The following TVP23C variants were observed in gnomAD, a reference collection of about 807,000 sequenced individuals.
TVP23C encodes trans-golgi network vesicle protein 23 homolog C.
In TVP23C, 19 loss-of-function variants were observed where a neutral mutation model predicts 28.7. The observed-to-expected ratio is 0.66, with a 90% CI of 0.46 to 0.97. The LOEUF (loss-of-function observed/expected upper bound fraction) is 0.97, where lower values mean the gene tolerates loss of function less well. TVP23C is among the 50% of genes least tolerant of loss of function. The pLI, the probability that TVP23C is intolerant of heterozygous loss-of-function variation, is 0.00. For missense variants in TVP23C, 186 were observed against 241.3 expected (o/e 0.77, Z 1.52); for synonymous variants, 68 against 81.7 (o/e 0.83, Z 0.90).
At chr17:15,523,902 C>A (rs1355435986) in intron 5 of TVP23C, among the ~76,000 whole-genome samples, 5 of 152,210 alleles carry the variant, frequency 3.3e-5, no homozygotes, top group African/African-American at 1.2e-4. Flanking sequence ...CGTGAGCCAC[C>A]GCGCCCAGCC....
exon 6 of TVP23C, chr17:15,502,960 C>G: frequency 6.2e-7 from 1 of 1,614,122 alleles, no homozygotes; most frequent in Non-Finnish European, 8.5e-7. Context: ...CCCAAAGCCG[C>G]AAGGAGAGAA....
intron 5 of TVP23C, among the ~76,000 whole-genome samples, chr17:15,541,767 T>A: frequency 6.6e-6 from 1 of 152,116 alleles, no homozygotes; most frequent in Non-Finnish European, 1.5e-5. Flanking sequence ...AGGGTGCTAG[T>A]TTCCTAAATA....
chr17:15,505,101 A>T (rs1368859705), intron 5 of TVP23C, among the ~76,000 whole-genome samples: 1 of 151,766 alleles, frequency 6.6e-6, no homozygotes, highest in Non-Finnish European at 1.5e-5. Flanking sequence ...GTGGTAATGA[A>T]GGCAGCCATG....
chr17:15,531,347 T>G (rs184792778), intron 5 of TVP23C, among the ~76,000 whole-genome samples: 2 of 152,342 alleles, frequency 1.3e-5, no homozygotes, highest in Admixed American at 1.3e-4. Flanking sequence ...TGTATTTCAT[T>G]GAATTTGGGA....
chr17:15,543,196 C>T (rs62072581), intron 5 of TVP23C, among the ~76,000 whole-genome samples: 78,183 of 128,562 alleles, frequency 0.61, 28,899 homozygotes, highest in Non-Finnish European at 0.8. Context: ...CACACCTGTG[C>T]CTTCAGGCTA....
At chr17:15,555,535 A>G (rs1984092984) in intron 1 of TVP23C, among the ~76,000 whole-genome samples, 171 bp from the exon 2 acceptor site, 1 of 152,192 alleles carries the variant, frequency 6.6e-6, no homozygotes, top group African/African-American at 2.4e-5. Flanking sequence ...CGCCTCCTCA[A>G]ATCATCTGGC....
chr17:15,554,082 A>C (rs1008734036), intron 2 of TVP23C, among the ~76,000 whole-genome samples: 1 of 152,176 alleles, frequency 6.6e-6, no homozygotes, highest in Non-Finnish European at 1.5e-5. Context: ...AAACTTTCAC[A>C]AAATAGATAA....
chr17:15,526,824 T>C (rs1289940166), intron 5 of TVP23C, among the ~76,000 whole-genome samples: 2 of 152,232 alleles, frequency 1.3e-5, no homozygotes, highest in Non-Finnish European at 2.9e-5. Flanking sequence ...CGTAGCTGTG[T>C]TGGATTTCAA....
At chr17:15,530,610 T>C (rs1567636784) in intron 5 of TVP23C, among the ~76,000 whole-genome samples, 1 of 152,246 alleles carries the variant, frequency 6.6e-6, no homozygotes, top group East Asian at 1.9e-4. Context: ...TTACCTTTAA[T>C]GATGTTTTTT....
chr17:15,552,474 A>C lies in TVP23C; in HGVS notation c.240+1211T>G, dbSNP rs1983937024. On this transcript the variant is annotated intron_variant, in intron 3 of 5. Coordinates refer to ENST00000518321, the MANE Select transcript of TVP23C (RefSeq NM_001135036.2). ...AGGCGGGCAGATCACTTGACGTCAGAAGTTCGAGACCAGCCTGACCAACAT... is the reference window on the plus strand; with the variant it reads ...AGGCGGGCAGATCACTTGACGTCAGCAGTTCGAGACCAGCCTGACCAACAT... 3.3e-5 allele frequency among the ~76,000 whole-genome samples: 5 copies of C among 152,114 alleles called. No individual in the cohort carries two copies. In the South Asian group the frequency reaches 8.3e-4, roughly 25 times the overall value.
At chr17:15,519,514 C>T (rs769172193) in intron 5 of TVP23C, among the ~76,000 whole-genome samples, 2 of 151,316 alleles carry the variant, frequency 1.3e-5, no homozygotes, top group Non-Finnish European at 2.9e-5. Context: ...ACACAAATTG[C>T]GTGTTAAGCA....
At position 15,538,770 on chromosome 17, in the gene TVP23C, T is replaced by TC; in HGVS notation, c.*1641dup. 1 of 985,228 alleles carries TC rather than the reference T, an allele frequency of 1.0e-6. No homozygotes were observed. Among genetic ancestry groups the TC allele is most frequent in the South Asian group, 4.7e-5 (1 of 21,264 alleles). 61.0% of individuals were successfully genotyped at this position (985,228 alleles called of 1,614,324 possible). On this transcript the variant is annotated 3_prime_UTR_variant, in exon 6 of 6. Transcript: ENST00000518321. Reference sequence around the variant, plus strand: ...TAATTTCACCTGTATTCCATGTTCCTCCCCACCTTCAGAAACACTGAAAAT... The same window carrying TC: ...TAATTTCACCTGTATTCCATGTTCCTCCCCCACCTTCAGAAACACTGAAAAT...
chr17:15,559,657 A>G (rs573094548), intron 1 of TVP23C, among the ~76,000 whole-genome samples: 1 of 149,070 alleles, frequency 6.7e-6, no homozygotes, highest in Admixed American at 6.8e-5. Flanking sequence ...TCACGAGGCC[A>G]AGAAGTAGTG....
intron 1 of TVP23C, among the ~76,000 whole-genome samples, chr17:15,561,301 T>C (rs567247486): frequency 9.2e-5 from 14 of 152,258 alleles, no homozygotes; most frequent in Non-Finnish European, 1.6e-4. Flanking sequence ...CACAAACTTA[T>C]CAAGTGGGAA....
chr17:15,503,343 T>C, intron 5 of TVP23C: 1 of 1,330,372 alleles, frequency 7.5e-7, no homozygotes. Flanking sequence ...AAGTCGAAGC[T>C]GCAATGAGCT....
intron 5 of TVP23C, among the ~76,000 whole-genome samples, chr17:15,531,507 G>A (rs182036310): frequency 6.6e-6 from 1 of 151,312 alleles, no homozygotes. Flanking sequence ...TCTGTTCCTC[G>A]GACTGGATAA....
intron 3 of TVP23C, among the ~76,000 whole-genome samples, chr17:15,551,199 G>A (rs1167805371): frequency 2.0e-5 from 3 of 151,302 alleles, no homozygotes; most frequent in Non-Finnish European, 4.4e-5. Flanking sequence ...TCACTGCCAA[G>A]CTCCGCCTCC....
chr17:15,535,195 C>A (rs953537864), downstream of TVP23C, among the ~76,000 whole-genome samples: 1 of 152,088 alleles, frequency 6.6e-6, no homozygotes, highest in Non-Finnish European at 1.5e-5. Flanking sequence ...CTTAACACTC[C>A]TCTCATCAAG....
intron 5 of TVP23C, among the ~76,000 whole-genome samples, chr17:15,520,987 TACCCA>T (rs1982450712): frequency 6.6e-6 from 1 of 151,262 alleles, no homozygotes; most frequent in Non-Finnish European, 1.5e-5. Flanking sequence ...AAATGTAAAG[TACCCA>T]AAAATAAAGC....
Sources: allele counts gnomAD v4.1 joint callset (sites outside exome capture counted in the v4.1 genomes callset), GRCh38; gene constraint gnomAD v4.1.1; transcripts MANE v1.5; gene names NCBI Gene and HGNC (gene_info 2026-07-23, HGNC 2026-07-21).